The following PLXDC2 variants were observed in gnomAD, a reference collection of about 807,000 sequenced individuals.
The protein encoded by PLXDC2 is plexin domain-containing protein 2.
Under a neutral mutation model 68.9 loss-of-function variants are expected in PLXDC2, and 40 were observed. The observed-to-expected ratio is 0.58, with a 90% CI of 0.45 to 0.76. The LOEUF (loss-of-function observed/expected upper bound fraction) is 0.76. Ranked by LOEUF, PLXDC2 falls within the 30% of genes least tolerant of loss-of-function variation. The pLI, the probability that PLXDC2 is intolerant of heterozygous loss-of-function variation, is 0.00. For missense variants in PLXDC2, 644 were observed against 661.9 expected (o/e 0.97, Z 0.30); for synonymous variants, 243 against 234.2 (o/e 1.04, Z -0.34).
intron 4 of PLXDC2, among the ~76,000 whole-genome samples, chr10:20,099,564 G>A (rs1447109996): frequency 2.6e-5 from 4 of 152,292 alleles, no homozygotes; most frequent in South Asian, 2.1e-4. Flanking sequence ...TATTGATTGT[G>A]TGGGGTTTCT....
At chr10:20,214,939 A>G (rs543174487) in intron 10 of PLXDC2, among the ~76,000 whole-genome samples, 27 of 152,348 alleles carry the variant, frequency 1.8e-4, no homozygotes, top group East Asian at 1.7e-3. Flanking sequence ...CACCTGGTCA[A>G]TAGATGACTT....
intron 1 of PLXDC2, among the ~76,000 whole-genome samples, chr10:19,945,608 A>G (rs376474481): frequency 6.6e-6 from 1 of 152,156 alleles, no homozygotes; most frequent in African/African-American, 2.4e-5. Flanking sequence ...TCCTTGGCTG[A>G]GAGTGGTTTG....
intron 1 of PLXDC2, among the ~76,000 whole-genome samples, chr10:19,910,595 T>G (rs1833251496): frequency 7.1e-6 from 1 of 140,974 alleles, no homozygotes; most frequent in South Asian, 2.2e-4. Context: ...TGGTTGCTTT[T>G]TTTTTTTTTT....
rs142302374 is a variant in PLXDC2 at position 19,825,022 on chromosome 10, G to A, written c.112+7831G>A. Among the ~76,000 whole-genome samples the A allele has an allele frequency of 5.9e-3, 892 of 152,216 alleles. 10 individuals carry two copies. The highest frequency in any genetic ancestry group is 0.03 in the South Asian group (146 of 4,820). On this transcript the variant is annotated intron_variant, in intron 1 of 13. Coordinates refer to ENST00000377252, the MANE Select transcript of PLXDC2 (RefSeq NM_032812.9). ...TCTTCTGTCAGAGGCCATCAAACCA[G>A]ATCTAAGCGCTGGTACCTTTACCTT... is the stretch of plus-strand genomic sequence containing the variant.
chr10:19,991,291 A>G (rs1453716693), intron 1 of PLXDC2, among the ~76,000 whole-genome samples: 1 of 149,892 alleles, frequency 6.7e-6, no homozygotes, highest in African/African-American at 2.4e-5. Flanking sequence ...TGAATACCCA[A>G]TATTTCTTTG....
At chr10:20,040,948 CCTG>C (rs1441387106) in intron 2 of PLXDC2, among the ~76,000 whole-genome samples, 1 of 152,092 alleles carries the variant, frequency 6.6e-6, no homozygotes, top group Non-Finnish European at 1.5e-5. Context: ...CTGTCAGTTG[CCTG>C]CTATGAAACA....
At chr10:20,057,247 AT>A (rs201205943) in intron 3 of PLXDC2, among the ~76,000 whole-genome samples, 2,501 of 152,106 alleles carry the variant, frequency 0.016, 65 homozygotes, top group African/African-American at 0.057. Context: ...ATGGAATATA[AT>A]TTTTTTTAGA....
intron 1 of PLXDC2, among the ~76,000 whole-genome samples, chr10:19,817,577 T>A (rs1467204539): frequency 6.6e-6 from 1 of 151,922 alleles, no homozygotes; most frequent in African/African-American, 2.4e-5. Flanking sequence ...AAACTAAGCG[T>A]GTGTGGTATG....
intron 1 of PLXDC2, among the ~76,000 whole-genome samples, chr10:19,840,489 A>G (rs1034661575): frequency 6.6e-6 from 1 of 152,152 alleles, no homozygotes; most frequent in Non-Finnish European, 1.5e-5. Context: ...TTTCAATCTT[A>G]CTGTTATTAA....
chr10:20,138,385 A>G (rs1833960251), intron 4 of PLXDC2, among the ~76,000 whole-genome samples: 1 of 152,188 alleles, frequency 6.6e-6, no homozygotes, highest in Admixed American at 6.5e-5. Flanking sequence ...CAAGAGAAGT[A>G]AAAATAATAC....
At chr10:19,894,564 TG>T (rs1312659547) in intron 1 of PLXDC2, among the ~76,000 whole-genome samples, 1 of 152,230 alleles carries the variant, frequency 6.6e-6, no homozygotes, top group Non-Finnish European at 1.5e-5. Flanking sequence ...TTATAAACAG[TG>T]GATACCCAAA....
intron 9 of PLXDC2, among the ~76,000 whole-genome samples, chr10:20,210,486 G>A (rs955146223): frequency 7.1e-4 from 108 of 152,262 alleles, no homozygotes; most frequent in African/African-American, 2.5e-3. Flanking sequence ...GTAAGAGTAC[G>A]TAGGGAAGAC....
intron 1 of PLXDC2, among the ~76,000 whole-genome samples, chr10:19,959,170 A>T (rs1203936673): frequency 6.6e-6 from 1 of 152,204 alleles, no homozygotes; most frequent in Admixed American, 6.5e-5. Flanking sequence ...CAGGATTATC[A>T]TCCCTTCCAT....
chr10:20,263,993 T>C (rs1835841137), intron 13 of PLXDC2, among the ~76,000 whole-genome samples: 3 of 152,154 alleles, frequency 2.0e-5, no homozygotes, highest in Admixed American at 2.0e-4. Context: ...TAAAGCATTC[T>C]ATCCTAAAGA....
chr10:20,012,334 TGGA>T lies in PLXDC2; in HGVS notation c.324+10350_324+10352del, dbSNP rs1241185590. 1.9e-4 allele frequency among the ~76,000 whole-genome samples: 7 copies of T among 37,740 alleles called. 1 individual carries two copies. The highest frequency in any genetic ancestry group is 4.0e-3 in the East Asian group (2 of 498). 24.8% of individuals were successfully genotyped at this position (37,740 alleles called of 152,430 possible). A position where few individuals can be genotyped will look rare whatever the true frequency, so the allele number is the denominator to read the frequency against. ...TATTTTTTTTTTTTTTTTTTTTTTT[TGGA>T]GAAGGAGACTTGCTGTGTTTCCCAG... On this transcript the variant is annotated intron_variant, in intron 2 of 13. Coordinates refer to ENST00000377252, the MANE Select transcript of PLXDC2 (RefSeq NM_032812.9).
intron 1 of PLXDC2, among the ~76,000 whole-genome samples, chr10:19,977,701 C>T (rs1185126582): frequency 6.6e-6 from 1 of 151,954 alleles, no homozygotes; most frequent in Non-Finnish European, 1.5e-5. Context: ...CCGGGGTTTG[C>T]AGATGGCTGC....
chr10:20,156,724 G>A (rs974791391), intron 6 of PLXDC2, among the ~76,000 whole-genome samples: 5 of 152,236 alleles, frequency 3.3e-5, no homozygotes, highest in East Asian at 1.9e-4. Flanking sequence ...TGACTGTCAC[G>A]CTGTTAGATG....
rs959778468 is a variant in PLXDC2, at chr10:20,289,306, C to T, written c.*9487C>T. 2 of 152,154 alleles carry T rather than the reference C, an allele frequency of 1.3e-5. No individual in the cohort carries two copies. Among genetic ancestry groups the T allele is most frequent in the African/African-American group, 4.8e-5 (2 of 41,426 alleles). 9.4% of individuals were successfully genotyped at this position (152,154 alleles called of 1,614,324 possible). ...GGATGGAGACTTTTTCCCCTATTCC[C>T]AGCCACAGTGCCCAAGCGTTCAAGT... On this transcript the variant is annotated 3_prime_UTR_variant, in exon 14 of 14. Coordinates refer to ENST00000377252, the MANE Select transcript of PLXDC2 (RefSeq NM_032812.9).
chr10:19,913,079 T>A (rs112710208), intron 1 of PLXDC2, among the ~76,000 whole-genome samples: 51 of 152,220 alleles, frequency 3.4e-4, no homozygotes, highest in African/African-American at 1.2e-3. Context: ...AATGCAGCTA[T>A]ACACAATGAA....
Sources: gnomAD v4.1 joint callset for allele counts (sites outside exome capture counted in the v4.1 genomes callset) on GRCh38, gnomAD v4.1.1 for gene constraint, MANE v1.5 for transcripts, NCBI Gene and HGNC (gene_info 2026-07-23, HGNC 2026-07-21) for gene names.